PCM1: variants seen among roughly 807,000 people sequenced by gnomAD.
The protein encoded by PCM1 is pericentriolar material 1 protein.
PCM1 carries 157 observed loss-of-function variants against 241.9 expected under a neutral mutation model. That is an observed-to-expected ratio of 0.65 (90% CI 0.57 to 0.74). PCM1 has a LOEUF of 0.74. Among genes scored for constraint, PCM1 ranks in the 30% least tolerant of loss-of-function variants. PCM1 has a pLI of 0.00. For synonymous variants in PCM1, 1,085 were observed against 784.9 expected, an observed-to-expected ratio of 1.38 and a Z score of -6.39; for missense variants, 3,478 against 2,360.1, an observed-to-expected ratio of 1.47 and a Z score of -9.81.
rs2061508713 is a variant in PCM1 at position 17,939,843 on chromosome 8, A to G, written c.765A>G (p.Lys255=). The change falls in exon 6 of 39, where the codon AAA becomes AAG. Residue 255 remains lysine (K), a synonymous_variant. Transcript: ENST00000325083. Reference sequence around the variant, plus strand: ...AAGAACAAGAGAAGTCATATATGAAATTTCTTAAAAAAATCCTTGTAAGTA... The same window carrying G: ...AAGAACAAGAGAAGTCATATATGAAGTTTCTTAAAAAAATCCTTGTAAGTA... The part of the protein sequence containing the change: ...HLKEQEKSYM[K]FLKKILARDP... The G allele has an allele frequency of 6.7e-7, 1 of 1,500,790 alleles. No homozygotes were observed. The highest frequency in any genetic ancestry group is 9.0e-7 in the Non-Finnish European group (1 of 1,111,268). 93.0% of individuals were successfully genotyped at this position (1,500,790 alleles called of 1,614,324 possible).
intron 36 of PCM1, among the ~76,000 whole-genome samples, chr8:18,015,527 G>C (rs113413888): frequency 7.3e-5 from 11 of 150,106 alleles, no homozygotes; most frequent in African/African-American, 2.7e-4. Context: ...CTTGATAAAA[G>C]ACAATTTTGT....
chr8:17,962,046 A>G lies in PCM1; in HGVS notation c.2335A>G (p.Ser779Gly), dbSNP rs2072519866. 6.2e-7 allele frequency: 1 copy of G among 1,609,944 alleles called. No individual in the cohort carries two copies. Among genetic ancestry groups the G allele is most frequent in the South Asian group, 1.1e-5 (1 of 90,254 alleles). Reference sequence around the variant, plus strand: ...AATTCCTTTTTAGCTGTCAGCTGCTAGTGTGGGTAACTGTCCCACCAAAAA... The same window carrying G: ...AATTCCTTTTTAGCTGTCAGCTGCTGGTGTGGGTAACTGTCCCACCAAAAA... Reference protein sequence around the residue: ...ACPDLQLSAASVGNCPTKKYM... With the variant: ...ACPDLQLSAAGVGNCPTKKYM... The change falls in exon 16 of 39, where the codon AGT becomes GGT. Residue 779 changes from serine to glycine, a missense_variant. Coordinates refer to ENST00000325083, the MANE Select transcript of PCM1 (RefSeq NM_006197.4).
At position 17,950,600 on chromosome 8, in the gene PCM1, C is replaced by G; in HGVS notation, c.962-15C>G. 1 of 1,325,416 alleles carries G rather than the reference C, an allele frequency of 7.5e-7. No homozygotes were observed. The highest frequency in any genetic ancestry group is 1.1e-6 in the Non-Finnish European group (1 of 927,418). The allele number at this position is 1,325,416 out of a possible 1,614,324, so 82.1% of individuals were successfully genotyped here. ...GATTATTTACATTAATCAGTAGTTA[C>G]TAATTTCTTTCCAGTTGTTGCAGAA... On this transcript the variant is annotated splice_polypyrimidine_tract_variant and intron_variant, in intron 7 of 38. Transcript: ENST00000325083.
In PCM1 at chr8:18,014,552, A is replaced by G. The variant is rs763737301; in HGVS notation, c.5585-32A>G. ...AGTAAAATTTAACATTTTTTGCATT[A>G]CACTAATGTTAAGACTTTCTTTTGA... On this transcript the variant is annotated intron_variant, in intron 35 of 38. Coordinates refer to ENST00000325083, the MANE Select transcript of PCM1 (RefSeq NM_006197.4). 1.0e-5 allele frequency: 16 copies of G among 1,549,662 alleles called. No homozygotes were observed. In the Admixed American group the frequency reaches 1.3e-4, roughly 13 times the overall value.
Position 17,957,356 on chromosome 8 carries a change from C to G in PCM1, c.1739C>G (p.Ser580Cys), listed in dbSNP as rs748022282. The G allele has an allele frequency of 6.2e-6, 10 of 1,610,362 alleles. No homozygotes were observed. The highest frequency in any genetic ancestry group is 8.5e-6 in the Non-Finnish European group (10 of 1,176,992). The change falls in exon 12 of 39, where the codon TCT becomes TGT. Residue 580 changes from serine to cysteine, a missense_variant. Physicochemically the swap from Ser to Cys is moderately radical, Grantham distance 112. Coordinates refer to ENST00000325083, the MANE Select transcript of PCM1 (RefSeq NM_006197.4). ...SNNRDGRTVN[S>C]NCEINNRSAA... ...AATAGAGATGGGCGAACAGTTAATT[C>G]TAATTGTGAAATTAACAACAGATCT...
intron 29 of PCM1, among the ~76,000 whole-genome samples, chr8:18,003,020 T>A (rs1252195594): frequency 6.6e-6 from 1 of 152,202 alleles, no homozygotes; most frequent in African/African-American, 2.4e-5. Context: ...GCATGGCTTG[T>A]TTTCTTGAAC....
chr8:18,025,261 G>T (rs746402050), intron 36 of PCM1, 100 bp from the exon 37 acceptor site: 2 of 605,622 alleles, frequency 3.3e-6, no homozygotes, highest in Non-Finnish European at 5.8e-6. Flanking sequence ...AGAAGAAAAC[G>T]AAATGTGATA....
intron 28 of PCM1, among the ~76,000 whole-genome samples, chr8:17,992,611 T>TA (rs548525648): frequency 2.5e-5 from 1 of 39,498 alleles, no homozygotes; most frequent in Non-Finnish European, 1.1e-4. Context: ...CTACTACTAC[T>TA]TTTTTTTTTT....
At chr8:17,930,101 CTTTT>C (rs3988353) in intron 2 of PCM1, among the ~76,000 whole-genome samples, 1 of 109,286 alleles carries the variant, frequency 9.2e-6, no homozygotes. Flanking sequence ...GGAATACTTC[CTTTT>C]TTTTTTTTTT....
In PCM1 at chr8:18,010,693, A is replaced by G. The variant is rs781505984; in HGVS notation, c.5220+25A>G. The G allele has an allele frequency of 9.6e-6, 15 of 1,558,090 alleles. No individual in the cohort carries two copies. In the South Asian group the frequency reaches 1.6e-4, roughly 17 times the overall value. On this transcript the variant is annotated intron_variant, in intron 32 of 38. Coordinates refer to ENST00000325083, the MANE Select transcript of PCM1 (RefSeq NM_006197.4). ...AGTATGTGCTAATTAATTTTTGCCT[A>G]AAAATATGGCTGGGCGCGGTGGCTC...
Position 17,935,672 on chromosome 8 carries a change from G to C in PCM1, c.62G>C (p.Ser21Thr), listed in dbSNP as rs755898275. The stretch of plus-strand genomic sequence containing the variant: ...AATGATCAGGATTTACCAAACTGGA[G>C]TAATGAGAATGTTGATGACAGGCTC... ...GMNDQDLPNW[S>T]NENVDDRLNN... Residue 21 changes from serine to threonine, a missense_variant, in exon 3 of 39, where the codon AGT becomes ACT. Transcript: ENST00000325083. 2 of 1,541,002 alleles carry C rather than the reference G, an allele frequency of 1.3e-6. No individual in the cohort carries two copies. The highest frequency in any genetic ancestry group is 1.8e-6 in the Non-Finnish European group (2 of 1,113,674).
At position 17,956,700 on chromosome 8, in the gene PCM1, A is replaced by G. The variant is rs1352602031; in HGVS notation, c.1569A>G (p.Glu523=). Reference sequence around the variant, plus strand: ...ACATGATGACAGATGCTGTGAATGAAAACAGGAAAGATGAAGAAACTGAAG... The same window carrying G: ...ACATGATGACAGATGCTGTGAATGAGAACAGGAAAGATGAAGAAACTGAAG... The part of the protein sequence containing the change: ...TSDMMTDAVN[E]NRKDEETEES... Residue 523 remains glutamate, a synonymous_variant, in exon 11 of 39, where the codon GAA becomes GAG. Coordinates refer to ENST00000325083, the MANE Select transcript of PCM1 (RefSeq NM_006197.4). 1 of 1,606,422 alleles carries G rather than the reference A, an allele frequency of 6.2e-7. No homozygotes were observed. The highest frequency in any genetic ancestry group is 2.2e-5 in the East Asian group (1 of 44,734).
intron 9 of PCM1, among the ~76,000 whole-genome samples, chr8:17,954,397 A>G (rs1004147069): frequency 1.6e-4 from 24 of 150,908 alleles, no homozygotes; most frequent in Non-Finnish European, 2.8e-4. Flanking sequence ...ATTGCACTCC[A>G]GCCTGGGCAA....
chr8:17,966,539 A>T, intron 20 of PCM1, 66 bp downstream of exon 20: 1 of 1,429,226 alleles, frequency 7.0e-7, no homozygotes, highest in Non-Finnish European at 9.6e-7. Flanking sequence ...TTTTACAGTT[A>T]GCTTCTGGGA....
In PCM1 at chr8:17,938,950, C is replaced by G. The variant is rs183051882; in HGVS notation, c.553C>G (p.Gln185Glu). 1.9e-5 allele frequency: 30 copies of G among 1,613,700 alleles called. No homozygotes were observed. In the African/African-American group the frequency reaches 2.9e-4, roughly 16 times the overall value. ...FASALSNDLL[Q>E]NCQVSEEDGR... ...TTCTGCTTTAAGTAATGACCTCTTG[C>G]AAAACTGTCAGGTGTCTGAAGAAGA... Residue 185 changes from glutamine to glutamate, a missense_variant, in exon 5 of 39, where the codon CAA (glutamine) becomes GAA (glutamate). Physicochemically the swap from Gln to Glu is conservative, Grantham distance 29 (BLOSUM62 2). Coordinates refer to ENST00000325083, the MANE Select transcript of PCM1 (RefSeq NM_006197.4).
Position 17,960,382 on chromosome 8 carries a change from A to T in PCM1, c.2260A>T (p.Lys754Ter). The T allele has an allele frequency of 6.2e-7, 1 of 1,609,282 alleles. No individual in the cohort carries two copies. Among genetic ancestry groups the T allele is most frequent in the Non-Finnish European group, 8.5e-7 (1 of 1,178,434 alleles). ...RELKQLQEER[K>*]KLIDIQEKIQ... is the part of the protein sequence containing the mutation. ...GCTAAAACAATTGCAGGAAGAAAGA[A>T]AGAAACTGATTGACATTCAGGAGAA... The change falls in exon 15 of 39, where the codon AAG becomes TAG. Residue 754 changes from lysine to a stop codon, truncating the protein, a stop_gained. Transcript: ENST00000325083. LOFTEE classifies it high-confidence loss of function.
At position 17,960,111 on chromosome 8, in the gene PCM1, C is replaced by G. The variant is rs776795188; in HGVS notation, c.2138C>G (p.Thr713Ser). The change falls in exon 14 of 39, where the codon ACT (threonine) becomes AGT (serine). Residue 713 changes from threonine (T) to serine (S), a missense_variant. Thr to Ser is a moderately conservative substitution (Grantham distance 58, BLOSUM62 1). Transcript: ENST00000325083. ...GACACCAAGCAAAATTCAAATAACA[C>G]TAGAGGAAATGCCAATAAAACACAG... ...EEDTKQNSNN[T>S]RGNANKTQKD... 3.1e-6 allele frequency: 5 copies of G among 1,602,766 alleles called. No individual in the cohort carries two copies. The East Asian group carries it at 9.0e-5, about 29-fold the overall frequency.
intron 6 of PCM1, 37 bp downstream of exon 6, chr8:17,939,898 G>A: frequency 1.5e-6 from 2 of 1,307,362 alleles, no homozygotes; most frequent in Non-Finnish European, 2.1e-6. Flanking sequence ...TATTATTTTT[G>A]TAGTATCTCA....
At position 17,957,400 on chromosome 8, in the gene PCM1, C is replaced by G. The variant is rs2069071594; in HGVS notation, c.1783C>G (p.Leu595Val). ...CAGATCTGCTGCCAACATAAGGGCTCTAAACATGCCTCCTTCTTTAGGTAT... is the reference window on the plus strand; with the variant it reads ...CAGATCTGCTGCCAACATAAGGGCTGTAAACATGCCTCCTTCTTTAGGTAT... Reference protein sequence around the residue: ...NNRSAANIRALNMPPSLDCRY... With the variant: ...NNRSAANIRAVNMPPSLDCRY... Residue 595 changes from leucine to valine, a missense_variant, in exon 12 of 39, where the codon CTA becomes GTA. Leu to Val is a conservative substitution (Grantham distance 32). Coordinates refer to ENST00000325083, the MANE Select transcript of PCM1 (RefSeq NM_006197.4). The G allele has an allele frequency of 2.5e-6, 4 of 1,612,430 alleles. No homozygotes were observed. Among genetic ancestry groups the G allele is most frequent in the South Asian group, 1.1e-5 (1 of 91,064 alleles).
Sources: gnomAD v4.1 joint callset for allele counts (sites outside exome capture counted in the v4.1 genomes callset) on GRCh38, gnomAD v4.1.1 for gene constraint, MANE v1.5 for transcripts, NCBI Gene and HGNC (gene_info 2026-07-23, HGNC 2026-07-21) for gene names.